The following GTF2E2 variants were observed in gnomAD, a reference collection of about 807,000 sequenced individuals.
The protein encoded by GTF2E2 is general transcription factor IIE subunit 2.
A neutral mutation model predicts 40.5 loss-of-function variants in GTF2E2; 21 were observed. That is an observed-to-expected ratio of 0.52 (90% CI 0.37 to 0.75). The LOEUF (loss-of-function observed/expected upper bound fraction) is 0.75, where lower values mean the gene tolerates loss of function less well. Among genes scored for constraint, GTF2E2 ranks in the 30% least tolerant of loss-of-function variants. The pLI is 0.00. For missense variants in GTF2E2, 298 were observed against 338.4 expected, an observed-to-expected ratio of 0.88 and a Z score of 0.94; for synonymous variants, 117 against 121.6, an observed-to-expected ratio of 0.96 and a Z score of 0.25.
chr8:30,590,604 T>C (rs2151111777), intron 6 of GTF2E2, among the ~76,000 whole-genome samples: 1 of 152,254 alleles, frequency 6.6e-6, no homozygotes, highest in East Asian at 1.9e-4. Flanking sequence ...TAAATCTTCA[T>C]GACCTTGGAT....
chr8:30,604,633 G>C (rs1311085817), intron 6 of GTF2E2, among the ~76,000 whole-genome samples: 1 of 152,210 alleles, frequency 6.6e-6, no homozygotes, highest in African/African-American at 2.4e-5. Context: ...TCCTGATTAT[G>C]TAAGATTTAA....
chr8:30,637,518 T>A (rs1453305102), intron 2 of GTF2E2, among the ~76,000 whole-genome samples: 2 of 13,490 alleles, frequency 1.5e-4, no homozygotes, highest in African/African-American at 4.3e-4. Flanking sequence ...AATTTTATTT[T>A]ATTTATTTTA....
chr8:30,596,362 T>C (rs763903544), intron 6 of GTF2E2, among the ~76,000 whole-genome samples: 7 of 152,228 alleles, frequency 4.6e-5, no homozygotes, highest in Non-Finnish European at 7.3e-5. Context: ...ACAGACTCCT[T>C]CTTTGGCTAC....
intron 2 of GTF2E2, among the ~76,000 whole-genome samples, chr8:30,635,817 C>T (rs1801581535): frequency 6.6e-6 from 1 of 152,122 alleles, no homozygotes; most frequent in South Asian, 2.1e-4. Flanking sequence ...TGGATTACTT[C>T]TGAGGGAAGA....
At chr8:30,620,143 G>A (rs970251784) in intron 3 of GTF2E2, among the ~76,000 whole-genome samples, 2 of 151,840 alleles carry the variant, frequency 1.3e-5, no homozygotes, top group Admixed American at 6.6e-5. Context: ...TTGAACCTCC[G>A]ACTTCCAAAA....
intron 6 of GTF2E2, among the ~76,000 whole-genome samples, chr8:30,597,994 C>T (rs1240752765): frequency 6.6e-6 from 1 of 152,182 alleles, no homozygotes; most frequent in Admixed American, 6.5e-5. Context: ...GTTAAAGAAA[C>T]TATATCCTAC....
intron 2 of GTF2E2, among the ~76,000 whole-genome samples, chr8:30,638,370 T>C (rs1801683312): frequency 6.6e-6 from 1 of 152,174 alleles, no homozygotes. Context: ...ATCAATTTGT[T>C]AGTAACTCAC....
At chr8:30,638,617 A>C (rs1185141705) in intron 2 of GTF2E2, 1 of 152,690 alleles carries the variant, frequency 6.5e-6, no homozygotes, top group African/African-American at 2.4e-5. Flanking sequence ...CCATCGCTTC[A>C]GCAGCATCCT....
rs530857493 is a variant in GTF2E2 at position 30,597,838 on chromosome 8, G to A, written c.643+9219C>T. 2.6e-5 allele frequency among the ~76,000 whole-genome samples: 4 copies of A among 152,230 alleles called. No individual in the cohort carries two copies. In the East Asian group the frequency reaches 7.7e-4, roughly 29 times the overall value. On this transcript the variant is annotated intron_variant, in intron 6 of 7. Coordinates refer to ENST00000355904, the MANE Select transcript of GTF2E2 (RefSeq NM_002095.6). ...AATGTGGCTAGCTTTGCTCACTATA[G>A]GCATATATGAAAGAAAATAATTTCA... is the stretch of plus-strand genomic sequence containing the variant.
chr8:30,610,672 T>C (rs886837606), intron 5 of GTF2E2, among the ~76,000 whole-genome samples: 3 of 152,148 alleles, frequency 2.0e-5, no homozygotes, highest in Non-Finnish European at 2.9e-5. Context: ...GTTGGACTCT[T>C]ACACCATATA....
intron 6 of GTF2E2, among the ~76,000 whole-genome samples, chr8:30,600,630 A>G (rs1829151351): frequency 6.6e-6 from 1 of 152,202 alleles, no homozygotes; most frequent in East Asian, 1.9e-4. Flanking sequence ...TTAAAAAAAG[A>G]TAAAACCTAC....
At chr8:30,602,494 A>C (rs1039910220) in intron 6 of GTF2E2, among the ~76,000 whole-genome samples, 3 of 152,126 alleles carry the variant, frequency 2.0e-5, no homozygotes, top group Admixed American at 2.0e-4. Context: ...ATCATTTGTT[A>C]TAAGAGTGTT....
In GTF2E2 at chr8:30,578,866, G is replaced by GC. The variant is rs1253565144; in HGVS notation, c.*54dup. ...GACAGTCTTCAGACCCCGAGCATCA[G>GC]CAAGAACACTCTTGATTGTGTATCT... On this transcript the variant is annotated 3_prime_UTR_variant, in exon 8 of 8. Coordinates refer to ENST00000355904, the MANE Select transcript of GTF2E2 (RefSeq NM_002095.6). The GC allele has an allele frequency of 6.7e-6, 6 of 893,244 alleles. No individual in the cohort carries two copies. The African/African-American group carries it at 9.8e-5, about 15-fold the overall frequency. 55.3% of individuals were successfully genotyped at this position (893,244 alleles called of 1,614,324 possible).
chr8:30,610,519 T>C (rs10081550), intron 5 of GTF2E2, among the ~76,000 whole-genome samples: 5,811 of 145,080 alleles, frequency 0.04, 388 homozygotes, highest in African/African-American at 0.14. Flanking sequence ...ACAGGCAGAA[T>C]AGAGGGCCCA....
intron 6 of GTF2E2, among the ~76,000 whole-genome samples, chr8:30,585,766 G>A (rs1828663087): frequency 1.0e-5 from 1 of 100,204 alleles, no homozygotes; most frequent in Non-Finnish European, 1.8e-5. Flanking sequence ...GTACATCTTT[G>A]CCCTTTAAAA....
intron 1 of GTF2E2, among the ~76,000 whole-genome samples, chr8:30,654,081 C>T (rs549212665): frequency 1.2e-5 from 1 of 83,362 alleles, no homozygotes; most frequent in Non-Finnish European, 2.5e-5. Flanking sequence ...AGACCAAGAC[C>T]CTTGTTCAAA....
intron 2 of GTF2E2, among the ~76,000 whole-genome samples, chr8:30,645,032 G>A (rs1391041360): frequency 5.9e-5 from 9 of 151,922 alleles, no homozygotes; most frequent in Non-Finnish European, 1.3e-4. Context: ...TTACAGGCGT[G>A]AGCCACCATG....
chr8:30,597,290 A>G (rs1829038818), intron 6 of GTF2E2: 1 of 152,226 alleles, frequency 6.6e-6, no homozygotes, highest in African/African-American at 2.4e-5. Context: ...AAAGAAGGGA[A>G]GAAGGACTCA....
intron 6 of GTF2E2, among the ~76,000 whole-genome samples, chr8:30,591,494 A>C (rs775606011): frequency 6.6e-6 from 1 of 150,888 alleles, no homozygotes; most frequent in Non-Finnish European, 1.5e-5. Flanking sequence ...TACAGTAAAA[A>C]AATAAAATAA....
Sources: gnomAD v4.1 joint callset for allele counts (sites outside exome capture counted in the v4.1 genomes callset) on GRCh38, gnomAD v4.1.1 for gene constraint, MANE v1.5 for transcripts, NCBI Gene and HGNC (gene_info 2026-07-23, HGNC 2026-07-21) for gene names.